The following AIG1 variants were observed in gnomAD, a reference collection of about 807,000 sequenced individuals.
The protein encoded by AIG1 is androgen induced 1, also known as androgen-induced gene 1 protein.
A neutral mutation model predicts 31.4 loss-of-function variants in AIG1; 23 were observed. That is an observed-to-expected ratio of 0.73 (90% CI 0.53 to 1.04). The LOEUF (loss-of-function observed/expected upper bound fraction) is 1.04. Ranked by LOEUF, AIG1 falls within the 50% of genes least tolerant of loss-of-function variation. The pLI is 0.00. For missense variants in AIG1, 274 were observed against 295.0 expected, an observed-to-expected ratio of 0.93 and a Z score of 0.52; for synonymous variants, 100 against 110.5, an observed-to-expected ratio of 0.90 and a Z score of 0.60.
chr6:143,180,285 A>G (rs1017034018), intron 3 of AIG1, among the ~76,000 whole-genome samples: 1 of 152,238 alleles, frequency 6.6e-6, no homozygotes, highest in African/African-American at 2.4e-5. Context: ...GATGAGAAAA[A>G]CACAAAACAG....
intron 5 of AIG1, 125 bp from the exon 6 acceptor site, chr6:143,339,514 G>A: frequency 1.1e-6 from 1 of 920,250 alleles, no homozygotes; most frequent in Non-Finnish European, 1.7e-6. Context: ...GGGTGTGTCA[G>A]GAGGGTGAAT....
At chr6:143,158,410 G>C (rs1034729550) in intron 2 of AIG1, among the ~76,000 whole-genome samples, 2 of 152,196 alleles carry the variant, frequency 1.3e-5, no homozygotes, top group Non-Finnish European at 2.9e-5. Flanking sequence ...CTAAACTAGA[G>C]AGCTGCAGGA....
chr6:143,250,887 C>A (rs938852385), intron 3 of AIG1, among the ~76,000 whole-genome samples: 3 of 152,170 alleles, frequency 2.0e-5, no homozygotes, highest in Non-Finnish European at 4.4e-5. Flanking sequence ...CTAAGACAAT[C>A]ATTTTTCCAA....
chr6:143,130,096 A>G (rs1783076563), intron 1 of AIG1, among the ~76,000 whole-genome samples: 1 of 151,828 alleles, frequency 6.6e-6, no homozygotes, highest in African/African-American at 2.4e-5. Flanking sequence ...ATGCCCAGCT[A>G]ATTTTTGCAC....
intron 3 of AIG1, among the ~76,000 whole-genome samples, chr6:143,273,813 C>G (rs1308222286): frequency 6.6e-6 from 1 of 152,150 alleles, no homozygotes; most frequent in Non-Finnish European, 1.5e-5. Flanking sequence ...TTTCTCCCAC[C>G]AGGACCCTCC....
intron 3 of AIG1, among the ~76,000 whole-genome samples, chr6:143,259,920 C>G (rs1390799647): frequency 6.6e-6 from 1 of 151,878 alleles, no homozygotes; most frequent in African/African-American, 2.4e-5. Flanking sequence ...ATGTAGTGAC[C>G]TGGAAGCCAA....
At chr6:143,225,157 A>G (rs764727081) in intron 3 of AIG1, among the ~76,000 whole-genome samples, 9 of 152,088 alleles carry the variant, frequency 5.9e-5, no homozygotes, top group Non-Finnish European at 1.2e-4. Flanking sequence ...TGCCTGTTCA[A>G]ATCCACTGTC....
intron 3 of AIG1, among the ~76,000 whole-genome samples, chr6:143,219,648 A>G (rs1210723966): frequency 1.3e-5 from 2 of 151,798 alleles, no homozygotes; most frequent in East Asian, 3.9e-4. Flanking sequence ...CACCCTCTTA[A>G]CTCTCTCTTC....
At chr6:143,082,043 G>C (rs1778306200) in intron 1 of AIG1, among the ~76,000 whole-genome samples, 1 of 152,094 alleles carries the variant, frequency 6.6e-6, no homozygotes, top group Non-Finnish European at 1.5e-5. Context: ...ATGTCCTAAT[G>C]GTTTCCTGAT....
intron 3 of AIG1, among the ~76,000 whole-genome samples, chr6:143,263,967 G>A (rs964298548): frequency 1.3e-5 from 2 of 152,098 alleles, no homozygotes; most frequent in African/African-American, 2.4e-5. Flanking sequence ...CCTAGGAATC[G>A]AACTATAGTC....
intron 3 of AIG1, among the ~76,000 whole-genome samples, chr6:143,222,033 T>TCCTC (rs1366966513): frequency 6.6e-6 from 1 of 152,202 alleles, no homozygotes; most frequent in African/African-American, 2.4e-5. Flanking sequence ...CCCCAGCAGT[T>TCCTC]CCTCGACTCC....
chr6:143,189,643 A>G, intron 3 of AIG1: 1 of 985,386 alleles, frequency 1.0e-6, no homozygotes, highest in Non-Finnish European at 1.2e-6. Context: ...TGTGTCTTAA[A>G]GTTGATTTGC....
At chr6:143,125,161 G>T (rs1782590212) in intron 1 of AIG1, among the ~76,000 whole-genome samples, 1 of 152,042 alleles carries the variant, frequency 6.6e-6, no homozygotes, top group African/African-American at 2.4e-5. Context: ...AATTTAGTGG[G>T]ACAAAATATT....
At chr6:143,071,186 A>G (rs1043888397) in intron 1 of AIG1, among the ~76,000 whole-genome samples, 1 of 152,238 alleles carries the variant, frequency 6.6e-6, no homozygotes, top group African/African-American at 2.4e-5. Context: ...ATAACCATAC[A>G]TATGTGACTT....
chr6:143,329,680 T>TTTTG lies in AIG1; in HGVS notation c.516-3586_516-3583dup, dbSNP rs142387624. Among the ~76,000 whole-genome samples the TTTTG allele has an allele frequency of 1.3e-5, 2 of 151,898 alleles. No homozygotes were observed. Among genetic ancestry groups the TTTTG allele is most frequent in the African/African-American group, 2.4e-5 (1 of 41,384 alleles). The stretch of plus-strand genomic sequence containing the variant: ...GCCAAATCCAGCCCACCACCTGGAT[T>TTTTG]TTTGTTTGTTTGTTTGTTTTATGAC... On this transcript the variant is annotated intron_variant, in intron 4 of 5. Transcript: ENST00000357847. The surrounding 1 kb of genome is among the most constrained non-coding windows in gnomAD (Gnocchi z 4.9).
intron 3 of AIG1, among the ~76,000 whole-genome samples, chr6:143,191,466 GA>G (rs888113799): frequency 6.6e-6 from 1 of 151,686 alleles, no homozygotes; most frequent in African/African-American, 2.4e-5. Context: ...ATTTCCTACA[GA>G]AAAAAAACTT....
intron 1 of AIG1, among the ~76,000 whole-genome samples, chr6:143,070,118 C>T (rs1379299030): frequency 6.6e-6 from 1 of 152,184 alleles, no homozygotes; most frequent in African/African-American, 2.4e-5. Context: ...AATCATCTAA[C>T]TTTGTTCTTT....
intron 1 of AIG1, among the ~76,000 whole-genome samples, chr6:143,077,821 T>G (rs1351244926): frequency 1.3e-5 from 2 of 152,226 alleles, no homozygotes; most frequent in Non-Finnish European, 2.9e-5. Context: ...CAATTAAAAT[T>G]CCACTTTACA....
At chr6:143,204,624 C>T (rs369848879) in intron 3 of AIG1, among the ~76,000 whole-genome samples, 1 of 152,086 alleles carries the variant, frequency 6.6e-6, no homozygotes, top group Non-Finnish European at 1.5e-5. Context: ...AGCATAAGAA[C>T]TAGATGCACC....
Sources: gnomAD v4.1 joint callset for allele counts (sites outside exome capture counted in the v4.1 genomes callset) on GRCh38, gnomAD v4.1.1 for gene constraint, Gnocchi (gnomAD v3.1) non-coding constraint, MANE v1.5 for transcripts, NCBI Gene and HGNC (gene_info 2026-07-23, HGNC 2026-07-21) for gene names.